MDN1: variants seen among roughly 807,000 people sequenced by gnomAD.
MDN1 encodes midasin.
A neutral mutation model predicts 669.2 loss-of-function variants in MDN1; 266 were observed. That is an observed-to-expected ratio of 0.40 (90% CI 0.36 to 0.44). The LOEUF (loss-of-function observed/expected upper bound fraction) is 0.44, where lower values mean the gene tolerates loss of function less well. Among genes scored for constraint, MDN1 ranks in the 20% least tolerant of loss-of-function variants. The pLI is 1.00. For missense variants in MDN1, 5,940 were observed against 6,754.0 expected (o/e 0.88, Z 4.22); for synonymous variants, 2,385 against 2,457.1 (o/e 0.97, Z 0.87).
Position 89,794,094 on chromosome 6 carries a change from G to T in MDN1, c.662+6C>A. The T allele has an allele frequency of 6.5e-7, 1 of 1,550,076 alleles. No individual in the cohort carries two copies. The highest frequency in any genetic ancestry group is 8.7e-7 in the Non-Finnish European group (1 of 1,143,638). ...TAGCAAGACCTCCACGAAGGTTCCT[G>T]CTTACCTCAACCTGAAATGGATCAA... On this transcript the variant is annotated splice_donor_region_variant and intron_variant, in intron 4 of 101. Coordinates refer to ENST00000369393, the MANE Select transcript of MDN1 (RefSeq NM_014611.3).
chr6:89,658,790 T>G lies in MDN1; in HGVS notation c.14841A>C (p.Glu4947Asp). Reference protein sequence around the residue: ...SPQEPEEGPSEDDKAEGEEEM... With the variant: ...SPQEPEEGPSDDDKAEGEEEM... ...CCTCTTCCCCTTCTGCCTTGTCATC[T>G]TCACTGGGGCCTTCCTCAGGCTCCT... The change falls in exon 89 of 102, where the codon GAA becomes GAC. Residue 4947 changes from glutamate (E) to aspartate (D), a missense_variant. Physicochemically the swap from Glu to Asp is conservative, Grantham distance 45. Around this residue, in one of 5 missense-constraint regions of MDN1, gnomAD observed 2,280 missense variants for 2,576.3 expected, o/e 0.88. Transcript: ENST00000369393. The G allele has an allele frequency of 6.2e-7, 1 of 1,614,228 alleles. No individual in the cohort carries two copies. Among genetic ancestry groups the G allele is most frequent in the Non-Finnish European group, 8.5e-7 (1 of 1,180,044 alleles).
intron 1 of MDN1, among the ~76,000 whole-genome samples, chr6:89,807,254 T>C (rs888959625): frequency 1.3e-5 from 2 of 152,120 alleles, no homozygotes; most frequent in African/African-American, 4.8e-5. Flanking sequence ...GCCTGGCTAA[T>C]TTCTGTATTT....
Position 89,716,702 on chromosome 6 carries a change from G to C in MDN1, c.6691C>G (p.Gln2231Glu), listed in dbSNP as rs1456591840. ...TFEWVDSMLV[Q>E]ALKSGDWLLM... ...AGCCAGTCTCCAGACTTCAGGGCCT[G>C]AACCAACATGCTGTCAACCCATTCA... The change falls in exon 44 of 102, where the codon CAG (glutamine) becomes GAG (glutamate). Residue 2231 changes from glutamine to glutamate, a missense_variant. By Grantham distance (29) the Gln-to-Glu change is conservative. Coordinates refer to ENST00000369393, the MANE Select transcript of MDN1 (RefSeq NM_014611.3). 1.9e-6 allele frequency: 3 copies of C among 1,614,054 alleles called. No individual in the cohort carries two copies. Among genetic ancestry groups the C allele is most frequent in the Non-Finnish European group, 2.5e-6 (3 of 1,179,942 alleles).
intron 92 of MDN1, among the ~76,000 whole-genome samples, chr6:89,654,724 G>A (rs1265764566): frequency 3.3e-5 from 5 of 152,142 alleles, no homozygotes; most frequent in Non-Finnish European, 5.9e-5. Flanking sequence ...GACTAGAAGA[G>A]CAGATTTGAA....
chr6:89,747,585 T>C, intron 26 of MDN1, 115 bp from the exon 27 acceptor site: 1 of 1,197,602 alleles, frequency 8.4e-7, no homozygotes. Context: ...AATGATTTCA[T>C]TCCACTGAAT....
chr6:89,763,068 A>C (rs1817634475), intron 15 of MDN1, among the ~76,000 whole-genome samples: 1 of 152,004 alleles, frequency 6.6e-6, no homozygotes, highest in Non-Finnish European at 1.5e-5. Flanking sequence ...AATAAAAGTA[A>C]AAAAAAATTG....
At chr6:89,759,932 C>T (rs1475424418) in intron 17 of MDN1, among the ~76,000 whole-genome samples, 2 of 151,456 alleles carry the variant, frequency 1.3e-5, no homozygotes, top group Non-Finnish European at 2.9e-5. Flanking sequence ...ATTAGCTGGG[C>T]GTGGTGGCAC....
intron 1 of MDN1, among the ~76,000 whole-genome samples, chr6:89,816,438 A>G (rs376136691): frequency 0.019 from 1 of 54 alleles, no homozygotes; most frequent in Non-Finnish European, 0.071. Flanking sequence ...ATTTGGGGGA[A>G]AAAAAAAAAT....
intron 90 of MDN1, among the ~76,000 whole-genome samples, chr6:89,657,161 A>G (rs1056275141): frequency 1.3e-5 from 2 of 152,200 alleles, no homozygotes; most frequent in African/African-American, 4.8e-5. Flanking sequence ...ACTGAGGCTT[A>G]TTTTTCTCAA....
At chr6:89,803,582 CA>C (rs754719003) in intron 1 of MDN1, 28 bp from the exon 2 acceptor site, 53 of 1,446,958 alleles carry the variant, frequency 3.7e-5, no homozygotes, top group South Asian at 1.1e-4. Context: ...AAACATCTTT[CA>C]CTTTTTTTTT....
At chr6:89,661,621 A>ATTTG in intron 87 of MDN1, 43 bp from the exon 88 acceptor site, 1 of 1,535,664 alleles carries the variant, frequency 6.5e-7, no homozygotes. Context: ...AAAAATACAA[A>ATTTG]TATTTTTTTA....
intron 45 of MDN1, among the ~76,000 whole-genome samples, chr6:89,715,245 T>C (rs1411081455): frequency 6.6e-6 from 1 of 152,192 alleles, no homozygotes; most frequent in Non-Finnish European, 1.5e-5. Context: ...GGCAACCCCA[T>C]TTACCCAGTT....
intron 75 of MDN1, among the ~76,000 whole-genome samples, chr6:89,678,145 G>A (rs1343679233): frequency 2.6e-5 from 4 of 152,056 alleles, no homozygotes; most frequent in East Asian, 1.9e-4. Context: ...GGTGGCACGC[G>A]CCTGTAGTCC....
At chr6:89,799,593 G>GA (rs1233056779) in intron 2 of MDN1, among the ~76,000 whole-genome samples, 1 of 152,172 alleles carries the variant, frequency 6.6e-6, no homozygotes, top group Non-Finnish European at 1.5e-5. Flanking sequence ...TGAGGCAGGA[G>GA]AATCACTTGA....
At position 89,652,218 on chromosome 6, in the gene MDN1, G is replaced by A. The variant is rs1167827293; in HGVS notation, c.15889C>T (p.Pro5297Ser). ...TCCTCTGGGTTTCCAGATTCACGTG[G>A]CTGCCACATTTCCAGCTGTCTCTCC... ...ELERQLEMWQ[P>S]RESGNPEEEK... The change falls in exon 95 of 102, where the codon CCA becomes TCA. Residue 5297 changes from proline to serine, a missense_variant. Pro to Ser is a moderately conservative substitution (Grantham distance 74). Coordinates refer to ENST00000369393, the MANE Select transcript of MDN1 (RefSeq NM_014611.3). 2 of 1,613,940 alleles carry A rather than the reference G, an allele frequency of 1.2e-6. No homozygotes were observed. The highest frequency in any genetic ancestry group is 1.3e-5 in the African/African-American group (1 of 75,024).
chr6:89,675,119 C>T (rs1352324395), intron 78 of MDN1, among the ~76,000 whole-genome samples: 1 of 152,204 alleles, frequency 6.6e-6, no homozygotes, highest in Non-Finnish European at 1.5e-5. Flanking sequence ...ATACCATGAA[C>T]AGAAGCCTAA....
At position 89,771,596 on chromosome 6, in the gene MDN1, C is replaced by A; in HGVS notation, c.2109G>T (p.Met703Ile). The A allele has an allele frequency of 1.2e-6, 2 of 1,613,994 alleles. No individual in the cohort carries two copies. The highest frequency in any genetic ancestry group is 1.3e-5 in the African/African-American group (1 of 75,050). The change falls in exon 15 of 102, where the codon ATG (methionine) becomes ATT (isoleucine). Residue 703 changes from methionine (M) to isoleucine (I), a missense_variant. Transcript: ENST00000369393. Reference sequence around the variant, plus strand: ...AGTCTGCAGTATCACTTTGTTGATTCATATTGACAACCCTCAAACGGTGGC... The same window carrying A: ...AGTCTGCAGTATCACTTTGTTGATTAATATTGACAACCCTCAAACGGTGGC... The part of the protein sequence containing the change: ...ITGHRLRVVN[M>I]NQQSDTADLL...
rs751283129 is a variant in MDN1 at position 89,753,509 on chromosome 6, T to C, written c.3075+3A>G. 1 of 1,601,130 alleles carries C rather than the reference T, an allele frequency of 6.2e-7. No individual in the cohort carries two copies. Among genetic ancestry groups the C allele is most frequent in the Non-Finnish European group, 8.6e-7 (1 of 1,168,988 alleles). On this transcript the variant is annotated splice_donor_region_variant and intron_variant, in intron 22 of 101. Transcript: ENST00000369393. ...ACAAGTCAAAAATAACAAAAGAACA[T>C]ACCTGCTTCAGCAGACTCTTGACAT...
intron 7 of MDN1, among the ~76,000 whole-genome samples, chr6:89,789,089 A>G (rs972486649): frequency 1.1e-4 from 17 of 151,888 alleles, no homozygotes; most frequent in African/African-American, 3.9e-4. Context: ...GTGCTACTGC[A>G]CTCCAGCCGG....
Sources: allele counts gnomAD v4.1 joint callset (sites outside exome capture counted in the v4.1 genomes callset), GRCh38; gene constraint gnomAD v4.1.1; regional missense constraint gnomAD v4.1.1; transcripts MANE v1.5; gene names NCBI Gene and HGNC (gene_info 2026-07-23, HGNC 2026-07-21).